The following GRM7 variants were observed in gnomAD, a reference collection of about 807,000 sequenced individuals.
GRM7 encodes metabotropic glutamate receptor 7.
In GRM7, 35 loss-of-function variants were observed where a neutral mutation model predicts 84.5. The observed-to-expected ratio is 0.41, with a 90% CI of 0.32 to 0.55. GRM7 has a LOEUF of 0.55. Ranked by LOEUF, GRM7 falls within the 20% of genes least tolerant of loss-of-function variation. GRM7 has a pLI of 0.19. For missense variants in GRM7, 1,003 were observed against 1,194.6 expected, an observed-to-expected ratio of 0.84 and a Z score of 2.36; for synonymous variants, 487 against 455.1, an observed-to-expected ratio of 1.07 and a Z score of -0.89.
At chr3:6,895,614 C>A (rs1056412148) in intron 1 of GRM7, among the ~76,000 whole-genome samples, 1 of 152,080 alleles carries the variant, frequency 6.6e-6, no homozygotes, top group African/African-American at 2.4e-5. Context: ...ATACCAAAGA[C>A]CACAATTTTA....
Position 6,862,963 on chromosome 3 carries a change from T to TCCAGCAGCCTCTGCC in GRM7, c.519+1060_519+1074dup, listed in dbSNP as rs1294498692. The stretch of plus-strand genomic sequence containing the variant: ...GCCGCAGTGTTCTCTCGCCTCCTGC[T>TCCAGCAGCCTCTGCC]CCAGCAGCCTCTGCCCCATGGCTCC... On this transcript the variant is annotated intron_variant, in intron 1 of 9. Transcript: ENST00000357716. This position sits in a 1 kb window ranked among gnomAD's most constrained non-coding sequence, Gnocchi z 5.2. 4 of 455,906 alleles carry TCCAGCAGCCTCTGCC rather than the reference T, an allele frequency of 8.8e-6. No individual in the cohort carries two copies. The highest frequency in any genetic ancestry group is 1.8e-5 in the Non-Finnish European group (4 of 226,686). The allele number at this position is 455,906 out of a possible 1,614,324, so 28.2% of individuals were successfully genotyped here.
intron 5 of GRM7, among the ~76,000 whole-genome samples, chr3:7,421,612 T>A (rs777257603): frequency 7.9e-5 from 12 of 152,052 alleles, no homozygotes; most frequent in Non-Finnish European, 1.2e-4. Context: ...GATTTTTCAC[T>A]AGCCATGAAT....
intron 1 of GRM7, among the ~76,000 whole-genome samples, chr3:6,895,935 C>T (rs1483047342): frequency 6.6e-6 from 1 of 151,946 alleles, no homozygotes; most frequent in Admixed American, 6.6e-5. Context: ...GAGATGCCAT[C>T]TAGTAGTGCT....
At chr3:7,359,535 A>G (rs539450311) in intron 4 of GRM7, among the ~76,000 whole-genome samples, 1 of 147,184 alleles carries the variant, frequency 6.8e-6, no homozygotes, top group East Asian at 1.9e-4. Flanking sequence ...GGGTTTCACC[A>G]TGTTGGCCAG....
chr3:7,201,321 G>A (rs746066659), intron 2 of GRM7, among the ~76,000 whole-genome samples: 19 of 151,926 alleles, frequency 1.3e-4, no homozygotes, highest in African/African-American at 4.4e-4. Context: ...GCTTCTAATG[G>A]TCATCTTGAA....
chr3:7,619,668 T>C (rs1306128847), intron 8 of GRM7, among the ~76,000 whole-genome samples: 2 of 152,118 alleles, frequency 1.3e-5, no homozygotes, highest in Middle Eastern at 3.2e-3. Flanking sequence ...GAGATCTATT[T>C]TGAAGGAAGC....
chr3:7,295,540 T>A (rs1369117636), intron 2 of GRM7, among the ~76,000 whole-genome samples: 1 of 152,214 alleles, frequency 6.6e-6, no homozygotes, highest in Non-Finnish European at 1.5e-5. Context: ...AAATGTTTAC[T>A]GAGAGTTTGC....
intron 4 of GRM7, among the ~76,000 whole-genome samples, chr3:7,332,207 G>A (rs1701235204): frequency 6.6e-6 from 1 of 152,134 alleles, no homozygotes; most frequent in African/African-American, 2.4e-5. Flanking sequence ...TTGCACAAAT[G>A]TTTGGAACTT....
At chr3:7,205,477 A>T (rs779467125) in intron 2 of GRM7, among the ~76,000 whole-genome samples, 45 of 152,214 alleles carry the variant, frequency 3.0e-4, no homozygotes, top group Non-Finnish European at 4.6e-4. Flanking sequence ...CACATAATTC[A>T]TTCAGAACCA....
intron 1 of GRM7, among the ~76,000 whole-genome samples, chr3:6,921,432 C>G (rs892793525): frequency 6.6e-6 from 1 of 152,136 alleles, no homozygotes; most frequent in Admixed American, 6.6e-5. Flanking sequence ...CGAGGGAAAG[C>G]GCAGCCAACA....
chr3:7,513,716 T>C (rs888937925), intron 7 of GRM7, among the ~76,000 whole-genome samples: 1 of 152,226 alleles, frequency 6.6e-6, no homozygotes, highest in African/African-American at 2.4e-5. Flanking sequence ...TAATGTTTCC[T>C]GTAAATATAC....
intron 7 of GRM7, among the ~76,000 whole-genome samples, chr3:7,546,189 A>G (rs1042986631): frequency 3.9e-5 from 6 of 152,170 alleles, no homozygotes; most frequent in African/African-American, 1.4e-4. Flanking sequence ...TTCATCATAA[A>G]AATTTTCAGA....
At chr3:7,102,612 T>C (rs114389017) in intron 1 of GRM7, among the ~76,000 whole-genome samples, 331 of 151,844 alleles carry the variant, frequency 2.2e-3, no homozygotes, top group African/African-American at 7.4e-3. Flanking sequence ...TTGGAGAACA[T>C]TTATCTAGTT....
chr3:7,155,083 C>T (rs1319991881), intron 2 of GRM7, among the ~76,000 whole-genome samples: 1 of 152,124 alleles, frequency 6.6e-6, no homozygotes, highest in Non-Finnish European at 1.5e-5. Context: ...GTAAAACTTA[C>T]TTAAATGCTT....
intron 7 of GRM7, among the ~76,000 whole-genome samples, chr3:7,568,633 C>T (rs778243569): frequency 3.5e-4 from 54 of 152,220 alleles, no homozygotes; most frequent in African/African-American, 1.2e-3. Flanking sequence ...CTGCCCCCGG[C>T]GCTTGCGGGC....
At chr3:7,059,444 T>C (rs1204101124) in intron 1 of GRM7, among the ~76,000 whole-genome samples, 2 of 151,836 alleles carry the variant, frequency 1.3e-5, no homozygotes, top group African/African-American at 4.8e-5. Flanking sequence ...TTTCATTATA[T>C]GTAAAAACAA....
chr3:7,459,714 T>C (rs1436187995), intron 6 of GRM7, among the ~76,000 whole-genome samples: 2 of 152,048 alleles, frequency 1.3e-5, no homozygotes, highest in East Asian at 1.9e-4. Context: ...CCACAACACA[T>C]AGGAATTATG....
intron 4 of GRM7, among the ~76,000 whole-genome samples, chr3:7,312,513 A>G (rs183734611): frequency 6.6e-6 from 1 of 152,282 alleles, no homozygotes; most frequent in East Asian, 1.9e-4. Context: ...TTATTCCTGC[A>G]GACTGTAGCT....
At chr3:7,060,208 A>G (rs567138009) in intron 1 of GRM7, among the ~76,000 whole-genome samples, 7 of 151,928 alleles carry the variant, frequency 4.6e-5, no homozygotes, top group Admixed American at 3.9e-4. Flanking sequence ...CCTTCAGTGT[A>G]TCCAGTCAAA....
Sources: gnomAD v4.1 joint callset for allele counts (sites outside exome capture counted in the v4.1 genomes callset) on GRCh38, gnomAD v4.1.1 for gene constraint, Gnocchi (gnomAD v3.1) non-coding constraint, MANE v1.5 for transcripts, NCBI Gene and HGNC (gene_info 2026-07-23, HGNC 2026-07-21) for gene names.